MED13L: variants seen among roughly 807,000 people sequenced by gnomAD.
MED13L encodes the protein mediator of RNA polymerase II transcription subunit 13-like.
Under a neutral mutation model 220.9 loss-of-function variants are expected in MED13L, and 7 were observed. That is an observed-to-expected ratio of 0.03 (90% CI 0.02 to 0.06). The LOEUF is 0.06. Ranked by LOEUF, MED13L falls within the 10% of genes least tolerant of loss-of-function variation. The probability of loss-of-function intolerance (pLI) is 1.00; values close to 1 mark genes in which losing one functional copy is unlikely to be tolerated. For missense variants in MED13L, 1,965 were observed against 2,760.5 expected (o/e 0.71, Z 6.46); for synonymous variants, 1,011 against 1,015.2 (o/e 1.00, Z 0.08).
intron 11 of MED13L, chr12:116,007,191 G>A (rs1879100709): frequency 3.4e-6 from 2 of 590,490 alleles, no homozygotes; most frequent in East Asian, 3.0e-5. Flanking sequence ...AAAATATGAG[G>A]CTTCATTTAT....
At chr12:116,208,399 A>AAC (rs35327429) in intron 2 of MED13L, among the ~76,000 whole-genome samples, 13,569 of 152,256 alleles carry the variant, frequency 0.089, 709 homozygotes, top group East Asian at 0.21. Flanking sequence ...TCCGTCTCAA[A>AAC]ACAAAAGGAT....
intron 8 of MED13L, among the ~76,000 whole-genome samples, chr12:116,014,517 C>T (rs1879608253): frequency 6.6e-6 from 1 of 152,098 alleles, no homozygotes; most frequent in East Asian, 1.9e-4. Context: ...TTCTAAAAAT[C>T]AATTCTCTCC....
intron 2 of MED13L, among the ~76,000 whole-genome samples, chr12:116,217,229 A>G (rs1248918723): frequency 6.6e-6 from 1 of 152,232 alleles, no homozygotes; most frequent in Non-Finnish European, 1.5e-5. Flanking sequence ...GATGAAGATA[A>G]CAACCTATTA....
chr12:116,245,129 G>A (rs918294586), intron 1 of MED13L, among the ~76,000 whole-genome samples: 1 of 152,088 alleles, frequency 6.6e-6, no homozygotes, highest in African/African-American at 2.4e-5. Context: ...GCAAACTGAA[G>A]GCACGGAACC....
intron 2 of MED13L, among the ~76,000 whole-genome samples, chr12:116,217,644 C>T (rs2138377739): frequency 6.6e-6 from 1 of 152,302 alleles, no homozygotes; most frequent in East Asian, 1.9e-4. Context: ...CCCATCACAG[C>T]TTTTATCACA....
chr12:116,021,826 G>C (rs1283331226), intron 5 of MED13L, among the ~76,000 whole-genome samples: 1 of 152,080 alleles, frequency 6.6e-6, no homozygotes, highest in East Asian at 1.9e-4. Context: ...ACAAAACTAA[G>C]ATTTGTAATG....
chr12:116,011,424 A>C (rs1879390362), intron 9 of MED13L, among the ~76,000 whole-genome samples: 1 of 152,248 alleles, frequency 6.6e-6, no homozygotes, highest in Non-Finnish European at 1.5e-5. Context: ...AGCTAATAAA[A>C]ATGTGTAAAA....
chr12:116,172,352 G>A (rs927633340), intron 2 of MED13L, among the ~76,000 whole-genome samples: 1 of 152,128 alleles, frequency 6.6e-6, no homozygotes, highest in Non-Finnish European at 1.5e-5. Flanking sequence ...GAAAGGTCAC[G>A]TCAAACTGCC....
intron 2 of MED13L, among the ~76,000 whole-genome samples, chr12:116,233,023 G>C (rs1230470972): frequency 6.6e-6 from 1 of 150,584 alleles, no homozygotes; most frequent in Non-Finnish European, 1.5e-5. Flanking sequence ...GGAGGCAGAG[G>C]TTGCAGTGAG....
chr12:116,246,714 A>T (rs1284747015), intron 1 of MED13L, among the ~76,000 whole-genome samples: 1 of 128,312 alleles, frequency 7.8e-6, no homozygotes. Flanking sequence ...AGGAGGCTCA[A>T]GCAGAAGGAT....
At chr12:116,259,842 A>G (rs1200728902) in intron 1 of MED13L, among the ~76,000 whole-genome samples, 3 of 152,256 alleles carry the variant, frequency 2.0e-5, no homozygotes, top group Non-Finnish European at 4.4e-5. Flanking sequence ...TGAAGCTCAC[A>G]CTAATTACAT....
intron 1 of MED13L, among the ~76,000 whole-genome samples, chr12:116,246,957 G>A (rs1022843075): frequency 1.3e-5 from 2 of 150,518 alleles, no homozygotes; most frequent in African/African-American, 2.5e-5. Flanking sequence ...GGGAGGGAGA[G>A]AGGAAATTTT....
chr12:116,073,011 T>C (rs1000386121), intron 4 of MED13L, among the ~76,000 whole-genome samples: 1 of 152,180 alleles, frequency 6.6e-6, no homozygotes, highest in African/African-American at 2.4e-5. Context: ...TATGGTAGAT[T>C]ATAAGTAAAA....
rs1488211119 is a variant in MED13L, at chr12:116,006,681, TAC to T, written c.2239-272_2239-271del. ...CTAAGCAGTACTGGTGGCATTTGAT[TAC>T]AGACCTGCCATGGTGTTAAAAGCTG... On this transcript the variant is annotated intron_variant, in intron 11 of 30. Coordinates refer to ENST00000281928, the MANE Select transcript of MED13L (RefSeq NM_015335.5). 5.8e-6 allele frequency: 3 copies of T among 517,150 alleles called. No homozygotes were observed. The South Asian group carries it at 6.3e-5, about 11-fold the overall frequency. The allele number at this position is 517,150 out of a possible 1,614,324, so 32.0% of individuals were successfully genotyped here.
At chr12:116,069,209 C>T (rs921480140) in intron 4 of MED13L, among the ~76,000 whole-genome samples, 6 of 152,170 alleles carry the variant, frequency 3.9e-5, no homozygotes, top group African/African-American at 1.2e-4. Flanking sequence ...GACTTGTTGG[C>T]GGCTGAACTC....
chr12:116,242,395 T>C (rs1593201443), intron 1 of MED13L, among the ~76,000 whole-genome samples: 1 of 152,208 alleles, frequency 6.6e-6, no homozygotes, highest in Non-Finnish European at 1.5e-5. Flanking sequence ...CAAAATTCTT[T>C]ACCTAATGAT....
chr12:115,968,668 C>T (rs1876367880), intron 28 of MED13L, among the ~76,000 whole-genome samples: 1 of 152,146 alleles, frequency 6.6e-6, no homozygotes, highest in Admixed American at 6.5e-5. Flanking sequence ...CTAATTTTTG[C>T]TAAGAAAACA....
intron 2 of MED13L, among the ~76,000 whole-genome samples, chr12:116,225,281 T>C (rs1030204718): frequency 1.3e-5 from 2 of 152,164 alleles, no homozygotes; most frequent in East Asian, 3.8e-4. Flanking sequence ...ATGTGCTTAC[T>C]GGGGATGAGG....
chr12:116,044,482 G>C (rs1881715577), intron 4 of MED13L, among the ~76,000 whole-genome samples: 1 of 152,292 alleles, frequency 6.6e-6, no homozygotes, highest in South Asian at 2.1e-4. Flanking sequence ...TGTGATACTA[G>C]TGGGAAGAAG....
Sources: allele counts gnomAD v4.1 joint callset (sites outside exome capture counted in the v4.1 genomes callset), GRCh38; gene constraint gnomAD v4.1.1; transcripts MANE v1.5; gene names NCBI Gene and HGNC (gene_info 2026-07-23, HGNC 2026-07-21).